Variants in ZNF821 observed in about 807,000 individuals in gnomAD.
ZNF821 encodes the protein zinc finger protein 821.
In ZNF821, 16 loss-of-function variants were observed where a neutral mutation model predicts 44.3. That is an observed-to-expected ratio of 0.36 (90% CI 0.24 to 0.55). ZNF821 has a LOEUF of 0.55. Among genes scored for constraint, ZNF821 ranks in the 20% least tolerant of loss-of-function variants. The pLI, the probability that ZNF821 is intolerant of heterozygous loss-of-function variation, is 0.86. For missense variants in ZNF821, 436 were observed against 547.6 expected (o/e 0.80, Z 2.03); for synonymous variants, 204 against 197.6 (o/e 1.03, Z -0.27).
intron 3 of ZNF821, among the ~76,000 whole-genome samples, chr16:71,872,050 C>T (rs1243318390): frequency 2.0e-5 from 3 of 152,062 alleles, no homozygotes; most frequent in East Asian, 2.0e-4. Context: ...AGGCTGGTCT[C>T]GAACTCCCAA....
At position 71,867,609 on chromosome 16, in the gene ZNF821, C is replaced by G. The variant is rs2034693418; in HGVS notation, c.166+303G>C. Among the ~76,000 whole-genome samples, 3 of 151,946 alleles carry G rather than the reference C, an allele frequency of 2.0e-5. No individual in the cohort carries two copies. In the South Asian group the frequency reaches 6.2e-4, roughly 32 times the overall value. On this transcript the variant is annotated intron_variant, in intron 4 of 7. Coordinates refer to ENST00000425432, the MANE Select transcript of ZNF821 (RefSeq NM_001201552.2). ...GCTGAGGCAGGAGAATCGCTTGAAC[C>G]TGGGAGGTGGAGGTTGCAGTGAGCT...
At chr16:71,887,509 C>T (rs2142499495), upstream of ZNF821, among the ~76,000 whole-genome samples, 1 of 152,312 alleles carries the variant, frequency 6.6e-6, no homozygotes, top group Admixed American at 6.5e-5. Flanking sequence ...GATCCGCCCG[C>T]CTCGGCCTCC....
chr16:71,893,743 G>A (rs964654483), intron 1 of ZNF821, among the ~76,000 whole-genome samples: 3 of 151,310 alleles, frequency 2.0e-5, no homozygotes, highest in African/African-American at 7.3e-5. Flanking sequence ...ACAGGCATAA[G>A]CCACCATGCC....
At chr16:71,883,430 G>A (rs940318297) in intron 1 of ZNF821, 157 bp from the exon 2 acceptor site, 1 of 343,992 alleles carries the variant, frequency 2.9e-6, no homozygotes, top group African/African-American at 2.2e-5. Context: ...TACCAGACAA[G>A]AGCCTGACAA....
chr16:71,866,617 A>T (rs1482563871), intron 4 of ZNF821, among the ~76,000 whole-genome samples: 3 of 152,272 alleles, frequency 2.0e-5, no homozygotes, highest in East Asian at 1.9e-4. Flanking sequence ...TACTAGAAAA[A>T]TTTTTTAAAA....
intron 3 of ZNF821, among the ~76,000 whole-genome samples, chr16:71,873,543 A>G (rs970045753): frequency 1.3e-5 from 2 of 152,254 alleles, no homozygotes; most frequent in Non-Finnish European, 2.9e-5. Context: ...TGATTTAGAC[A>G]TAAAAACAGT....
Position 71,868,809 on chromosome 16 carries a change from C to T in ZNF821, c.41-772G>A, listed in dbSNP as rs112552838. Among the ~76,000 whole-genome samples the T allele has an allele frequency of 5.2e-4, 79 of 151,594 alleles. 1 individual carries two copies. Among genetic ancestry groups the T allele is most frequent in the African/African-American group, 1.7e-3 (69 of 41,062 alleles). On this transcript the variant is annotated intron_variant, in intron 3 of 7. Transcript: ENST00000425432. ...CAGGCTGGAGTACAGTGCTGGCACC[C>T]GCCTCCATGCCCAGCTAATTTTTTT...
chr16:71,882,499 T>C (rs1008508389), intron 2 of ZNF821, among the ~76,000 whole-genome samples: 3 of 152,142 alleles, frequency 2.0e-5, no homozygotes, highest in African/African-American at 7.2e-5. Context: ...AACATTTCAA[T>C]ATTAAAGCTC....
At chr16:71,877,882 T>A (rs112012852) in intron 3 of ZNF821, among the ~76,000 whole-genome samples, 20,388 of 149,808 alleles carry the variant, frequency 0.14, 1,706 homozygotes, top group South Asian at 0.38. Context: ...ATCACGCCAC[T>A]GCACTCCAGC....
chr16:71,889,493 T>C (rs1262070294), upstream of ZNF821, among the ~76,000 whole-genome samples: 1 of 151,878 alleles, frequency 6.6e-6, no homozygotes, highest in Non-Finnish European at 1.5e-5. Flanking sequence ...GCCAACATGG[T>C]GAAACTCTTT....
intron 2 of ZNF821, among the ~76,000 whole-genome samples, chr16:71,880,911 T>G (rs1375077318): frequency 2.0e-5 from 3 of 152,168 alleles, no homozygotes; most frequent in Admixed American, 1.3e-4. Flanking sequence ...TAGGAGGGGA[T>G]ATATACGTAA....
intron 4 of ZNF821, among the ~76,000 whole-genome samples, chr16:71,866,259 A>G (rs987698902): frequency 4.6e-5 from 7 of 152,188 alleles, no homozygotes; most frequent in Admixed American, 4.6e-4. Context: ...CCAGTATGAG[A>G]GCAACATATT....
At position 71,860,856 on chromosome 16, in the gene ZNF821, CTTTTT is replaced by C; in HGVS notation, c.585-189_585-185del. ...TCTTCGCGTGAGAGTTGTCTACCAA[CTTTTT>C]TTTTTTTTTTTTGAGACAGAGTCTT... On this transcript the variant is annotated intron_variant, in intron 7 of 7. Coordinates refer to ENST00000425432, the MANE Select transcript of ZNF821 (RefSeq NM_001201552.2). The surrounding 1 kb of genome is among the most constrained non-coding windows in gnomAD (Gnocchi z 7.3). 7.4e-6 allele frequency among the ~76,000 whole-genome samples: 1 copy of C among 135,958 alleles called. No homozygotes were observed. 89.2% of individuals were successfully genotyped at this position (135,958 alleles called of 152,430 possible). A position where few individuals can be genotyped will look rare whatever the true frequency, so the allele number is the denominator to read the frequency against.
At chr16:71,885,810 A>T (rs1466360436), upstream of ZNF821, among the ~76,000 whole-genome samples, 2 of 152,252 alleles carry the variant, frequency 1.3e-5, no homozygotes, top group Admixed American at 6.5e-5. Flanking sequence ...CAGTCAAGGA[A>T]ACATTTTAAT....
chr16:71,876,744 G>A (rs1300111817), intron 3 of ZNF821, among the ~76,000 whole-genome samples: 1 of 151,874 alleles, frequency 6.6e-6, no homozygotes, highest in African/African-American at 2.4e-5. Context: ...AGTAGCTGGC[G>A]CTACAGGTGT....
chr16:71,860,695 G>C lies in ZNF821; in HGVS notation c.585-23C>G. ...TCACTGGAAAGGAAACATTTTGGAT[G>C]GTTAGTGTTTCCTTCTAGCAAGAGT... On this transcript the variant is annotated intron_variant, in intron 7 of 7. Transcript: ENST00000425432. The surrounding 1 kb of genome is among the most constrained non-coding windows in gnomAD (Gnocchi z 7.3). 1 of 1,603,070 alleles carries C rather than the reference G, an allele frequency of 6.2e-7. No individual in the cohort carries two copies. Among genetic ancestry groups the C allele is most frequent in the Non-Finnish European group, 8.5e-7 (1 of 1,175,774 alleles).
intron 7 of ZNF821, among the ~76,000 whole-genome samples, chr16:71,861,185 A>T (rs2033840984): frequency 2.0e-5 from 3 of 152,184 alleles, no homozygotes; most frequent in Admixed American, 6.5e-5. Context: ...GCCCATCTGG[A>T]GTTAACTGAG....
upstream of ZNF821, among the ~76,000 whole-genome samples, chr16:71,887,513 G>A (rs939868919): frequency 1.6e-4 from 24 of 152,084 alleles, no homozygotes; most frequent in African/African-American, 5.1e-4. Flanking sequence ...CGCCCGCCTC[G>A]GCCTCCCAAA....
chr16:71,880,117 G>A, intron 2 of ZNF821, 94 bp from the exon 3 acceptor site: 1 of 551,404 alleles, frequency 1.8e-6, no homozygotes, highest in Non-Finnish European at 3.2e-6. Flanking sequence ...CAGCTCCTGA[G>A]CATATAAAAC....
Sources: gnomAD v4.1 joint callset for allele counts (sites outside exome capture counted in the v4.1 genomes callset) on GRCh38, gnomAD v4.1.1 for gene constraint, Gnocchi (gnomAD v3.1) non-coding constraint, MANE v1.5 for transcripts, NCBI Gene and HGNC (gene_info 2026-07-23, HGNC 2026-07-21) for gene names.